Variants in ELAVL4 observed in about 807,000 individuals in gnomAD.
ELAVL4 encodes the protein ELAV like RNA binding protein 4, also known as ELAV-like protein 4.
Under a neutral mutation model 35.6 loss-of-function variants are expected in ELAVL4, and 1 was observed. The observed-to-expected ratio is 0.03, with a 90% CI of 0.01 to 0.13. The LOEUF is 0.13. ELAVL4 is among the 10% of genes least tolerant of loss of function. The pLI, the probability that ELAVL4 is intolerant of heterozygous loss-of-function variation, is 1.00. For synonymous variants in ELAVL4, 156 were observed against 171.0 expected (o/e 0.91, Z 0.69); for missense variants, 267 against 464.9 (o/e 0.57, Z 3.91).
At chr1:50,119,419 C>T (rs1668649823) in intron 1 of ELAVL4, among the ~76,000 whole-genome samples, 1 of 152,080 alleles carries the variant, frequency 6.6e-6, no homozygotes, top group Admixed American at 6.6e-5. Flanking sequence ...CTGATTTGAG[C>T]AGGCAAATGA....
intron 1 of ELAVL4, among the ~76,000 whole-genome samples, chr1:50,096,248 C>T (rs1027601227): frequency 5.3e-5 from 8 of 151,422 alleles, no homozygotes; most frequent in African/African-American, 1.9e-4. Context: ...GAGACAGACC[C>T]GTAAACAACT....
chr1:50,093,406 T>C (rs1490686331), intron 1 of ELAVL4, among the ~76,000 whole-genome samples: 1 of 152,202 alleles, frequency 6.6e-6, no homozygotes, highest in Non-Finnish European at 1.5e-5. Context: ...TAACCAGGGC[T>C]TCTGTCAACT....
chr1:50,106,426 C>G, upstream of ELAVL4: 1 of 1,544,898 alleles, frequency 6.5e-7, no homozygotes, highest in East Asian at 2.3e-5. Context: ...GGCAGCCCCA[C>G]AGTGCTGGGA....
chr1:50,072,855 G>C (rs1021329837), intron 1 of ELAVL4, among the ~76,000 whole-genome samples: 26 of 152,094 alleles, frequency 1.7e-4, no homozygotes, highest in African/African-American at 6.0e-4. Context: ...CTTTCCCAAG[G>C]TACCCCAGTT....
upstream of ELAVL4, among the ~76,000 whole-genome samples, chr1:50,099,761 T>A (rs1427706754): frequency 2.0e-5 from 3 of 152,062 alleles, no homozygotes; most frequent in African/African-American, 7.2e-5. Context: ...CATCTGAAGA[T>A]CAGTCACTCT....
chr1:50,193,545 GTTTT>G (rs1682996890), intron 3 of ELAVL4, among the ~76,000 whole-genome samples: 1 of 152,066 alleles, frequency 6.6e-6, no homozygotes, highest in Admixed American at 6.6e-5. Context: ...CTGTGCATTT[GTTTT>G]AAGTTATTGT....
intron 2 of ELAVL4, among the ~76,000 whole-genome samples, chr1:50,151,623 G>C (rs1461553690): frequency 6.6e-6 from 1 of 152,192 alleles, no homozygotes; most frequent in African/African-American, 2.4e-5. Flanking sequence ...AAAGTGATTA[G>C]TGATGGGAAG....
chr1:50,137,749 A>T (rs1482625148), intron 1 of ELAVL4, among the ~76,000 whole-genome samples: 1 of 152,208 alleles, frequency 6.6e-6, no homozygotes, highest in Non-Finnish European at 1.5e-5. Flanking sequence ...AAGAAATCAT[A>T]TGAAAAGAGT....
intron 3 of ELAVL4, among the ~76,000 whole-genome samples, chr1:50,190,200 AG>A (rs1229827298): frequency 2.0e-5 from 3 of 152,196 alleles, no homozygotes; most frequent in East Asian, 1.9e-4. Context: ...GACTGAGGCA[AG>A]GGGGGTTCTC....
chr1:50,150,467 T>G (rs1041333515), intron 2 of ELAVL4, among the ~76,000 whole-genome samples: 1 of 152,216 alleles, frequency 6.6e-6, no homozygotes, highest in East Asian at 1.9e-4. Flanking sequence ...TAACTTGTGT[T>G]CTTTCTTGAA....
chr1:50,192,519 G>GCACACACA (rs5774068), intron 3 of ELAVL4, among the ~76,000 whole-genome samples: 11,934 of 140,284 alleles, frequency 0.085, 562 homozygotes, highest in East Asian at 0.12. Flanking sequence ...TTGTGTGCAC[G>GCACACACA]CACACACACA....
At chr1:50,050,646 A>G (rs1055452213) in intron 1 of ELAVL4, among the ~76,000 whole-genome samples, 5 of 152,186 alleles carry the variant, frequency 3.3e-5, no homozygotes, top group African/African-American at 1.2e-4. Flanking sequence ...GTGATGGTCC[A>G]TGGAAAAAAG....
intron 1 of ELAVL4, among the ~76,000 whole-genome samples, chr1:50,114,737 A>T (rs760845738): frequency 5.3e-5 from 8 of 151,994 alleles, no homozygotes; most frequent in Non-Finnish European, 1.2e-4. Flanking sequence ...CCAGTTTGGG[A>T]TGCTAGCTGG....
intron 1 of ELAVL4, among the ~76,000 whole-genome samples, chr1:50,055,362 C>CGATCTTG (rs1315754590): frequency 2.0e-5 from 3 of 152,006 alleles, no homozygotes; most frequent in Non-Finnish European, 4.4e-5. Context: ...TGCAGTGCCG[C>CGATCTTG]GATCTTGGCT....
chr1:50,177,822 G>T (rs1350183835), intron 3 of ELAVL4, among the ~76,000 whole-genome samples: 2 of 152,162 alleles, frequency 1.3e-5, no homozygotes, highest in Non-Finnish European at 2.9e-5. Flanking sequence ...GTATGGGAAT[G>T]ACAGAAAAAG....
intron 1 of ELAVL4, among the ~76,000 whole-genome samples, chr1:50,067,812 T>C (rs926586356): frequency 1.3e-4 from 20 of 152,152 alleles, no homozygotes; most frequent in Non-Finnish European, 1.0e-4. Flanking sequence ...GAAACTTACA[T>C]TCGTGTCAGA....
intron 3 of ELAVL4, among the ~76,000 whole-genome samples, chr1:50,191,116 A>G (rs1236152615): frequency 6.6e-6 from 1 of 152,158 alleles, no homozygotes; most frequent in Non-Finnish European, 1.5e-5. Context: ...TGTTCAACAC[A>G]TTTTATTGAG....
At chr1:50,188,560 G>T (rs549907948) in intron 3 of ELAVL4, among the ~76,000 whole-genome samples, 2 of 152,310 alleles carry the variant, frequency 1.3e-5, no homozygotes, top group South Asian at 4.1e-4. Flanking sequence ...GGCCTGGATG[G>T]GTTGCATGGA....
chr1:50,169,783 A>G (rs1678654564), intron 2 of ELAVL4, among the ~76,000 whole-genome samples: 1 of 151,978 alleles, frequency 6.6e-6, no homozygotes, highest in South Asian at 2.1e-4. Context: ...AGCCTTCCCT[A>G]CTCTACTCAG....
Sources: allele counts gnomAD v4.1 joint callset (sites outside exome capture counted in the v4.1 genomes callset), GRCh38; gene constraint gnomAD v4.1.1; transcripts MANE v1.5; gene names NCBI Gene and HGNC (gene_info 2026-07-23, HGNC 2026-07-21).